Variants in NAA25 observed in about 807,000 individuals in gnomAD.
The protein encoded by NAA25 is N-terminal acetyltransferase B complex subunit NAA25.
Under a neutral mutation model 132.5 loss-of-function variants are expected in NAA25, and 30 were observed. The ratio of observed to expected loss-of-function variants is 0.23; its 90% CI spans 0.17 to 0.31. NAA25 has a LOEUF of 0.31. NAA25 is among the 10% of genes least tolerant of loss of function. The probability of loss-of-function intolerance (pLI) is 1.00; values close to 1 mark genes in which losing one functional copy is unlikely to be tolerated. For synonymous variants in NAA25, 359 were observed against 401.9 expected, an observed-to-expected ratio of 0.89 and a Z score of 1.28; for missense variants, 771 against 1,150.4, an observed-to-expected ratio of 0.67 and a Z score of 4.77.
chr12:112,099,529 T>C (rs1369156133), intron 1 of NAA25, among the ~76,000 whole-genome samples: 1 of 152,110 alleles, frequency 6.6e-6, no homozygotes, highest in Non-Finnish European at 1.5e-5. Flanking sequence ...GCTAAAATAA[T>C]GAGATTAGGT....
At chr12:112,078,429 C>G (rs1027702664) in intron 6 of NAA25, among the ~76,000 whole-genome samples, 163 bp from the exon 7 acceptor site, 4 of 152,184 alleles carry the variant, frequency 2.6e-5, no homozygotes, top group African/African-American at 9.7e-5. Flanking sequence ...TATATCTCTC[C>G]CGTCTATACA....
rs950653278 is a variant in NAA25, at chr12:112,108,756, A to G, written c.18T>C (p.His6=). Residue 6 remains histidine (H), a synonymous_variant, in exon 1 of 24, where the codon CAT becomes CAC. Transcript: ENST00000261745. ...GGCGCCTGTCGTTAGGGTCCTGCAC[A>G]TGGCCCCGCGTCGCCATGATGACAA... The part of the protein sequence containing the change: MATRG[H]VQDPNDRRLR... 3.3e-6 allele frequency: 5 copies of G among 1,527,406 alleles called. No homozygotes were observed. The highest frequency in any genetic ancestry group is 1.4e-5 in the African/African-American group (1 of 71,346). The allele number at this position is 1,527,406 out of a possible 1,614,324, so 94.6% of individuals were successfully genotyped here. A position where few individuals can be genotyped will look rare whatever the true frequency, so the allele number is the denominator to read the frequency against.
At chr12:112,074,461 A>G (rs887152015) in intron 9 of NAA25, among the ~76,000 whole-genome samples, 35 of 152,182 alleles carry the variant, frequency 2.3e-4, no homozygotes, top group Non-Finnish European at 7.3e-5. Context: ...ATGGTAGGAT[A>G]AGTGGAAATT....
At chr12:112,099,682 C>G (rs7971304) in intron 1 of NAA25, among the ~76,000 whole-genome samples, 3,871 of 152,232 alleles carry the variant, frequency 0.025, 178 homozygotes, top group African/African-American at 0.087. Flanking sequence ...CAGGCAGCAG[C>G]AGGCCTGGAC....
chr12:112,032,006 C>T (rs1460493677), intron 23 of NAA25, among the ~76,000 whole-genome samples: 1 of 151,522 alleles, frequency 6.6e-6, no homozygotes. Flanking sequence ...TTCTGTCACC[C>T]AGGCTGGAGT....
intron 23 of NAA25, among the ~76,000 whole-genome samples, chr12:112,030,618 A>G (rs971099909): frequency 1.3e-5 from 2 of 152,224 alleles, no homozygotes; most frequent in Non-Finnish European, 2.9e-5. Flanking sequence ...GAGTTCTCAC[A>G]GAGAAAGGAG....
intron 9 of NAA25, among the ~76,000 whole-genome samples, chr12:112,072,841 G>A (rs1038081642): frequency 6.6e-6 from 1 of 151,920 alleles, no homozygotes; most frequent in African/African-American, 2.4e-5. Flanking sequence ...GGAGGCTGAT[G>A]TGGGATGATC....
intron 13 of NAA25, 38 bp from the exon 14 acceptor site, chr12:112,054,606 A>G: frequency 6.4e-7 from 1 of 1,556,644 alleles, no homozygotes; most frequent in Non-Finnish European, 8.7e-7. Flanking sequence ...TGATCTTGAC[A>G]GCAAATGAAA....
chr12:112,073,162 G>A (rs1213266012), intron 9 of NAA25, among the ~76,000 whole-genome samples: 2 of 151,880 alleles, frequency 1.3e-5, no homozygotes, highest in Non-Finnish European at 2.9e-5. Context: ...TTGAGCCCAG[G>A]AGGCAGAGGT....
chr12:112,090,547 G>A, intron 3 of NAA25, 179 bp downstream of exon 3: 1 of 490,738 alleles, frequency 2.0e-6, no homozygotes, highest in South Asian at 3.8e-5. Context: ...CCAATTCAAG[G>A]ATCCTAATGC....
At chr12:112,100,839 C>T (rs2079285083) in intron 1 of NAA25, among the ~76,000 whole-genome samples, 1 of 151,880 alleles carries the variant, frequency 6.6e-6, no homozygotes, top group African/African-American at 2.4e-5. Context: ...AGGATAGTCT[C>T]GATCTCCTGA....
At chr12:112,060,181 G>A (rs1220049298) in intron 13 of NAA25, 89 bp downstream of exon 13, 2 of 862,152 alleles carry the variant, frequency 2.3e-6, no homozygotes, top group Non-Finnish European at 3.7e-6. Context: ...TAAAATTTGT[G>A]GATTGTAAAA....
chr12:112,096,466 T>A (rs1279731425), intron 1 of NAA25, among the ~76,000 whole-genome samples: 4 of 152,212 alleles, frequency 2.6e-5, no homozygotes, highest in African/African-American at 9.7e-5. Flanking sequence ...AAACTTAGTC[T>A]CATGAATGCA....
At chr12:112,078,804 T>A in intron 5 of NAA25, 63 bp from the exon 6 acceptor site, 2 of 1,241,330 alleles carry the variant, frequency 1.6e-6, no homozygotes, top group Non-Finnish European at 2.3e-6. Context: ...GATATTAACA[T>A]TACTGTTAAT....
intron 11 of NAA25, among the ~76,000 whole-genome samples, chr12:112,063,077 G>T (rs1204023778): frequency 2.0e-5 from 3 of 151,538 alleles, no homozygotes; most frequent in African/African-American, 4.9e-5. Flanking sequence ...AAGAAGAAAA[G>T]AATAATACAT....
chr12:112,042,509 ATT>A (rs773240054), intron 19 of NAA25, among the ~76,000 whole-genome samples: 9 of 144,456 alleles, frequency 6.2e-5, no homozygotes, highest in Admixed American at 6.9e-5. Flanking sequence ...TCTTATTTTT[ATT>A]TTTTTTTTTT....
rs1000363022 is a variant in NAA25, at chr12:112,049,716, G to A, written c.1729-1273C>T. On this transcript the variant is annotated intron_variant, in intron 15 of 23. Coordinates refer to ENST00000261745, the MANE Select transcript of NAA25 (RefSeq NM_024953.4). The surrounding 1 kb of genome is among the most constrained non-coding windows in gnomAD (Gnocchi z 4.7). ...TGAAAAAGCTCGAGTATACCTTCTA[G>A]CTTGATTAAAGGACAGTGATACACC... 7.1e-6 allele frequency: 6 copies of A among 846,252 alleles called. No homozygotes were observed. In the African/African-American group the frequency reaches 1.1e-4, roughly 16 times the overall value. The allele number at this position is 846,252 out of a possible 1,614,324, so 52.4% of individuals were successfully genotyped here. A position where few individuals can be genotyped will look rare whatever the true frequency, so the allele number is the denominator to read the frequency against.
At chr12:112,106,779 C>T (rs1300495026) in intron 1 of NAA25, among the ~76,000 whole-genome samples, 1 of 150,690 alleles carries the variant, frequency 6.6e-6, no homozygotes, top group Non-Finnish European at 1.5e-5. Context: ...CATGACGAAA[C>T]CCATTCTCTA....
chr12:112,099,762 G>T (rs1329220441), intron 1 of NAA25, among the ~76,000 whole-genome samples: 1 of 152,106 alleles, frequency 6.6e-6, no homozygotes, highest in Non-Finnish European at 1.5e-5. Context: ...TCTTACTGAG[G>T]GATGGATACT....
Sources: allele counts gnomAD v4.1 joint callset (sites outside exome capture counted in the v4.1 genomes callset), GRCh38; gene constraint gnomAD v4.1.1; non-coding constraint Gnocchi (gnomAD v3.1); transcripts MANE v1.5; gene names NCBI Gene and HGNC (gene_info 2026-07-23, HGNC 2026-07-21).